SGCG: variants seen among roughly 807,000 people sequenced by gnomAD.
SGCG encodes the protein sarcoglycan gamma, also known as gamma-sarcoglycan.
Under a neutral mutation model 29.3 loss-of-function variants are expected in SGCG, and 26 were observed. The observed-to-expected ratio is 0.89, with a 90% CI of 0.65 to 1.23. SGCG has a LOEUF of 1.23. SGCG is among the 50% of genes most tolerant of loss of function. The pLI is 0.00. For missense variants in SGCG, 353 were observed against 356.0 expected (o/e 0.99, Z 0.07); for synonymous variants, 145 against 129.7 (o/e 1.12, Z -0.80).
At chr13:23,262,246 A>G (rs1880469168) in intron 4 of SGCG, among the ~76,000 whole-genome samples, 1 of 151,996 alleles carries the variant, frequency 6.6e-6, no homozygotes, top group Admixed American at 6.6e-5. Flanking sequence ...CAAACCAAAT[A>G]TCTGCTGTTT....
chr13:23,164,197 TCCC>T, the SGCG span, among the ~76,000 whole-genome samples: 1 of 152,300 alleles, frequency 6.6e-6, no homozygotes, highest in South Asian at 2.1e-4. Context: ...TGTTTATAAC[TCCC>T]CTTAATCCAA....
intron 2 of SGCG, among the ~76,000 whole-genome samples, chr13:23,231,044 CAT>C (rs1321584234): frequency 6.6e-6 from 1 of 152,124 alleles, no homozygotes; most frequent in Non-Finnish European, 1.5e-5. Context: ...TTGAGATAAT[CAT>C]GTGCTTTTTG....
At chr13:23,226,883 G>A (rs7330968) in intron 2 of SGCG, among the ~76,000 whole-genome samples, 102,244 of 152,084 alleles carry the variant, frequency 0.67, 34,767 homozygotes, top group East Asian at 0.91. Flanking sequence ...AACAAGGAGG[G>A]TTCAGCAAGT....
intron 1 of SGCG, among the ~76,000 whole-genome samples, chr13:23,189,649 A>C (rs966272079): frequency 6.6e-6 from 1 of 152,212 alleles, no homozygotes; most frequent in Admixed American, 6.5e-5. Flanking sequence ...ATTTCTGGAC[A>C]TGGGGACTGG....
intron 4 of SGCG, among the ~76,000 whole-genome samples, chr13:23,259,175 G>A (rs529327744): frequency 6.6e-6 from 1 of 152,194 alleles, no homozygotes; most frequent in Non-Finnish European, 1.5e-5. Flanking sequence ...TCTGCTCTTG[G>A]ACTTTTTTTG....
At chr13:23,220,076 C>T (rs1247817431) in intron 2 of SGCG, among the ~76,000 whole-genome samples, 5 of 151,882 alleles carry the variant, frequency 3.3e-5, no homozygotes, top group African/African-American at 4.8e-5. Context: ...CTCCTGACCT[C>T]GTGATCTGCC....
chr13:23,276,916 C>A (rs1458957694), intron 4 of SGCG, among the ~76,000 whole-genome samples: 3 of 152,182 alleles, frequency 2.0e-5, no homozygotes, highest in East Asian at 3.9e-4. Context: ...CCACAGAATT[C>A]TTTAAGCTGT....
intron 4 of SGCG, among the ~76,000 whole-genome samples, chr13:23,265,758 G>A (rs1347970856): frequency 2.0e-5 from 3 of 152,020 alleles, no homozygotes; most frequent in Non-Finnish European, 4.4e-5. Flanking sequence ...TTATGAAAAA[G>A]TCAAAAAACA....
At chr13:23,191,806 A>G (rs1386553338) in intron 1 of SGCG, among the ~76,000 whole-genome samples, 2 of 152,186 alleles carry the variant, frequency 1.3e-5, no homozygotes, top group East Asian at 1.9e-4. Flanking sequence ...GTCAAGCCCT[A>G]AAATACACTA....
At chr13:23,162,809 G>C in the SGCG span, among the ~76,000 whole-genome samples, 4 of 151,992 alleles carry the variant, frequency 2.6e-5, no homozygotes, top group African/African-American at 9.7e-5. Context: ...CAGCCTGGGC[G>C]ATAGAGTAAG....
intron 3 of SGCG, among the ~76,000 whole-genome samples, chr13:23,247,975 GT>G (rs1391571778): frequency 8.0e-6 from 1 of 124,894 alleles, no homozygotes; most frequent in Non-Finnish European, 1.7e-5. Context: ...AAAAAAAAAA[GT>G]TTTTTAACAA....
At chr13:23,166,937 T>G in the SGCG span, among the ~76,000 whole-genome samples, 3 of 152,196 alleles carry the variant, frequency 2.0e-5, no homozygotes, top group Non-Finnish European at 2.9e-5. Flanking sequence ...TCTTTTTATT[T>G]TAAAGTGTAA....
At chr13:23,236,752 T>C (rs1879331838) in intron 3 of SGCG, among the ~76,000 whole-genome samples, 1 of 152,104 alleles carries the variant, frequency 6.6e-6, no homozygotes, top group African/African-American at 2.4e-5. Flanking sequence ...CAGTATGCTT[T>C]TAAAAAAAGC....
At chr13:23,250,529 G>C (rs530000989) in intron 3 of SGCG, 101 bp from the exon 4 acceptor site, 2 of 711,884 alleles carry the variant, frequency 2.8e-6, no homozygotes, top group Non-Finnish European at 5.1e-6. Context: ...CTGTAACAAT[G>C]GATAAATAAT....
chr13:23,311,348 A>G (rs1397722448), intron 6 of SGCG, among the ~76,000 whole-genome samples: 1 of 152,214 alleles, frequency 6.6e-6, no homozygotes, highest in Non-Finnish European at 1.5e-5. Flanking sequence ...CTTCAGTTTC[A>G]GAAACTCATG....
In SGCG at chr13:23,295,468, G is replaced by A. The variant is rs886042075; in HGVS notation, c.559G>A (p.Asp187Asn). ...AGTGGAGACACCCCTTGTCAGAGCC[G>A]ACCCGTTTCAAGACCTTAGGTAAGA... ...HSVETPLVRADPFQDLRLESP... is the reference protein window; with the variant it reads ...HSVETPLVRANPFQDLRLESP... Residue 187 changes from aspartate to asparagine, a missense_variant, in exon 6 of 8, where the codon GAC (aspartate) becomes AAC (asparagine). By Grantham distance (23) the Asp-to-Asn change is conservative. Transcript: ENST00000218867. 1.1e-5 allele frequency: 18 copies of A among 1,613,746 alleles called. No individual in the cohort carries two copies. The highest frequency in any genetic ancestry group is 2.7e-5 in the African/African-American group (2 of 75,008).
intron 6 of SGCG, among the ~76,000 whole-genome samples, chr13:23,308,587 C>G (rs1882439237): frequency 6.6e-6 from 1 of 151,434 alleles, no homozygotes; most frequent in Non-Finnish European, 1.5e-5. Flanking sequence ...TTTTTTGAGA[C>G]AGAGTCTCAC....
At chr13:23,266,316 GT>G (rs1880640992) in intron 4 of SGCG, among the ~76,000 whole-genome samples, 1 of 151,706 alleles carries the variant, frequency 6.6e-6, no homozygotes, top group Non-Finnish European at 1.5e-5. Flanking sequence ...TATGATATAT[GT>G]AATTGTGGTG....
In SGCG at chr13:23,255,834, A is replaced by C. The variant is rs1339605584; in HGVS notation, c.385+5117A>C. On this transcript the variant is annotated intron_variant, in intron 4 of 7. Transcript: ENST00000218867. The stretch of plus-strand genomic sequence containing the variant: ...TTATGCTGTGAACTTGCTTCCAAGA[A>C]ACAACACAGGAACTTAATTTAAAAA... Among the ~76,000 whole-genome samples, 5 of 152,332 alleles carry C rather than the reference A, an allele frequency of 3.3e-5. No homozygotes were observed. The South Asian group carries it at 1.0e-3, about 32-fold the overall frequency.
Sources: gnomAD v4.1 joint callset for allele counts (sites outside exome capture counted in the v4.1 genomes callset) on GRCh38, gnomAD v4.1.1 for gene constraint, MANE v1.5 for transcripts, NCBI Gene and HGNC (gene_info 2026-07-23, HGNC 2026-07-21) for gene names.